BFSP1: variants seen among roughly 807,000 people sequenced by gnomAD.
BFSP1 encodes the protein filensin.
BFSP1 carries 38 observed loss-of-function variants against 43.9 expected under a neutral mutation model. That is an observed-to-expected ratio of 0.87 (90% CI 0.67 to 1.14). BFSP1 has a LOEUF of 1.14. Among genes scored for constraint, BFSP1 ranks in the 50% most tolerant of loss-of-function variants. The probability of loss-of-function intolerance (pLI) is 0.00; values close to 1 mark genes in which losing one functional copy is unlikely to be tolerated. For synonymous variants in BFSP1, 352 were observed against 354.8 expected (o/e 0.99, Z 0.09); for missense variants, 850 against 875.1 (o/e 0.97, Z 0.36).
Position 17,498,950 on chromosome 20 carries a change from T to C in BFSP1, c.826A>G (p.Lys276Glu), listed in dbSNP as rs2033724861. ...LYNEQIETLR[K>E]EIEETERVLE... is the part of the protein sequence containing the mutation. ...ACCCGCTCTGTCTCCTCAATCTCCT[T>C]GCGCAGTGTCTCAATCTGCTCGTTA... The change falls in exon 6 of 8, where the codon AAG (lysine) becomes GAG (glutamate). Residue 276 changes from lysine (K) to glutamate (E), a missense_variant. Transcript: ENST00000377873. 2 of 1,614,104 alleles carry C rather than the reference T, an allele frequency of 1.2e-6. No individual in the cohort carries two copies. Among genetic ancestry groups the C allele is most frequent in the African/African-American group, 2.7e-5 (2 of 74,942 alleles).
At chr20:17,517,310 A>T (rs140873939) in intron 2 of BFSP1, 317 of 1,196,440 alleles carry the variant, frequency 2.6e-4, no homozygotes, top group Admixed American at 5.8e-4. Context: ...AAGACAAGGA[A>T]CTGTATGAGT....
intron 3 of BFSP1, among the ~76,000 whole-genome samples, chr20:17,514,088 C>G (rs1029038737): frequency 2.6e-5 from 4 of 152,212 alleles, no homozygotes; most frequent in African/African-American, 7.2e-5. Context: ...GCCAGAGCCC[C>G]TGGAGAGGGA....
At chr20:17,558,593 C>A (rs61687016) in intron 1 of BFSP1, 299 of 1,355,542 alleles carry the variant, frequency 2.2e-4, no homozygotes, top group Non-Finnish European at 3.0e-4. Context: ...GCTTGCTGTA[C>A]CTTCTACGGG....
chr20:17,513,993 C>T (rs1050027720), intron 3 of BFSP1, among the ~76,000 whole-genome samples: 2 of 152,180 alleles, frequency 1.3e-5, no homozygotes, highest in African/African-American at 2.4e-5. Flanking sequence ...ACAGGAGTTC[C>T]CCAACACCCC....
At chr20:17,533,677 GCCTGAGGC>G (rs1407481854), upstream of BFSP1, among the ~76,000 whole-genome samples, 1 of 152,208 alleles carries the variant, frequency 6.6e-6, no homozygotes, top group Non-Finnish European at 1.5e-5. Context: ...GCAGGGCTCA[GCCTGAGGC>G]CCTGGCAAGG....
In BFSP1 at chr20:17,525,820, T is replaced by G. The variant is rs982680075; in HGVS notation, c.378-912A>C. On this transcript the variant is annotated intron_variant, in intron 1 of 7. Coordinates refer to ENST00000377873, the MANE Select transcript of BFSP1 (RefSeq NM_001195.5). This position sits in a 1 kb window ranked among gnomAD's most constrained non-coding sequence, Gnocchi z 4.2. ...GGAGACTACATTTTCCAGCATTCCT[T>G]GCAGCCAGGTGTGGCCATGTGACTA... Among the ~76,000 whole-genome samples the G allele has an allele frequency of 3.9e-5, 6 of 152,110 alleles. No homozygotes were observed. Among genetic ancestry groups the G allele is most frequent in the African/African-American group, 1.4e-4 (6 of 41,414 alleles).
chr20:17,496,237 A>G (rs2033628928), intron 7 of BFSP1, among the ~76,000 whole-genome samples: 1 of 152,240 alleles, frequency 6.6e-6, no homozygotes, highest in Admixed American at 6.5e-5. Context: ...TGACTCTGGA[A>G]CACCATTTCC....
chr20:17,514,666 TG>T, intron 3 of BFSP1, 54 bp downstream of exon 3: 1 of 1,558,178 alleles, frequency 6.4e-7, no homozygotes, highest in Non-Finnish European at 8.8e-7. Context: ...TCGGCTTACC[TG>T]ATCAAACCCA....
intron 1 of BFSP1, among the ~76,000 whole-genome samples, chr20:17,548,366 G>A (rs952491011): frequency 6.6e-6 from 1 of 152,078 alleles, no homozygotes; most frequent in Non-Finnish European, 1.5e-5. Context: ...TTTGCATAAA[G>A]TTTACCAATA....
intron 1 of BFSP1, among the ~76,000 whole-genome samples, chr20:17,549,107 G>C (rs1485692054): frequency 6.6e-6 from 1 of 152,162 alleles, no homozygotes; most frequent in Non-Finnish European, 1.5e-5. Flanking sequence ...CACTATGCCA[G>C]CCCCATATTT....
intron 5 of BFSP1, among the ~76,000 whole-genome samples, chr20:17,505,897 C>A (rs1245642020): frequency 6.6e-6 from 1 of 152,268 alleles, no homozygotes; most frequent in East Asian, 1.9e-4. Context: ...AGAATTTTGG[C>A]CCCCGTGACC....
In BFSP1 at chr20:17,507,448, A is replaced by G. The variant is rs1238179162; in HGVS notation, c.735+1441T>C. Among the ~76,000 whole-genome samples the G allele has an allele frequency of 6.6e-6, 1 of 152,166 alleles. No individual in the cohort carries two copies. The highest frequency in any genetic ancestry group is 1.5e-5 in the Non-Finnish European group (1 of 68,040). ...TTGACTTCCTTTTACATGCCAGTCA[A>G]TTCTACTGAGTTCATTTTACATCCA... On this transcript the variant is annotated intron_variant, in intron 5 of 7. Coordinates refer to ENST00000377873, the MANE Select transcript of BFSP1 (RefSeq NM_001195.5). This position sits in a 1 kb window ranked among gnomAD's most constrained non-coding sequence, Gnocchi z 4.4.
chr20:17,568,752 T>C (rs2035153022), intron 1 of BFSP1, among the ~76,000 whole-genome samples: 1 of 152,120 alleles, frequency 6.6e-6, no homozygotes, highest in Non-Finnish European at 1.5e-5. Context: ...GGTTCCTATG[T>C]TGAGTGGGGC....
chr20:17,546,822 G>A (rs140010071), intron 1 of BFSP1, among the ~76,000 whole-genome samples: 1,609 of 151,874 alleles, frequency 0.011, 20 homozygotes, highest in Non-Finnish European at 0.013. Flanking sequence ...TCAGGAGTTC[G>A]AGACCAGCCT....
chr20:17,500,239 A>AC (rs1412433127), intron 5 of BFSP1, among the ~76,000 whole-genome samples: 1 of 152,242 alleles, frequency 6.6e-6, no homozygotes, highest in African/African-American at 2.4e-5. Context: ...TAATCAGAGC[A>AC]AGTAAAAATT....
At chr20:17,508,233 G>A (rs1014726380) in intron 5 of BFSP1, among the ~76,000 whole-genome samples, 2 of 112,244 alleles carry the variant, frequency 1.8e-5, no homozygotes, top group African/African-American at 7.7e-5. Context: ...GAGAAAGAGA[G>A]AGAACCGGAA....
At chr20:17,519,328 A>G (rs2034269823) in intron 2 of BFSP1, among the ~76,000 whole-genome samples, 1 of 152,224 alleles carries the variant, frequency 6.6e-6, no homozygotes, top group African/African-American at 2.4e-5. Context: ...AAGCCACTGT[A>G]CTGAAGCAAA....
intron 2 of BFSP1, among the ~76,000 whole-genome samples, chr20:17,515,982 C>T (rs993539573): frequency 6.6e-6 from 1 of 152,186 alleles, no homozygotes; most frequent in Non-Finnish European, 1.5e-5. Context: ...CACTCCCCAC[C>T]CTTGTGCTAC....
chr20:17,500,767 T>C (rs1434862746), intron 5 of BFSP1, among the ~76,000 whole-genome samples: 1 of 152,080 alleles, frequency 6.6e-6, no homozygotes, highest in African/African-American at 2.4e-5. Context: ...CTTGATCAAG[T>C]GTTATTAAAA....
Sources: gnomAD v4.1 joint callset for allele counts (sites outside exome capture counted in the v4.1 genomes callset) on GRCh38, gnomAD v4.1.1 for gene constraint, Gnocchi (gnomAD v3.1) non-coding constraint, MANE v1.5 for transcripts, NCBI Gene and HGNC (gene_info 2026-07-23, HGNC 2026-07-21) for gene names.